Variants in CADM1 observed in about 807,000 individuals in gnomAD.
CADM1 encodes the protein cell adhesion molecule 1, also known as TSLC-1.
Under a neutral mutation model 53.1 loss-of-function variants are expected in CADM1, and 15 were observed. The observed-to-expected ratio is 0.28, with a 90% CI of 0.19 to 0.44. CADM1 has a LOEUF of 0.44. CADM1 is among the 20% of genes least tolerant of loss of function. CADM1 has a pLI of 1.00. For synonymous variants in CADM1, 281 were observed against 243.0 expected (o/e 1.16, Z -1.45); for missense variants, 434 against 611.3 (o/e 0.71, Z 3.06).
chr11:115,278,138 T>C (rs943631314), intron 1 of CADM1, among the ~76,000 whole-genome samples: 1 of 152,154 alleles, frequency 6.6e-6, no homozygotes, highest in East Asian at 1.9e-4. Context: ...ATAGAAGTGA[T>C]CATTTCTGCC....
rs186508284 is a variant in CADM1 at position 115,262,893 on chromosome 11, C to T, written c.125-22473G>A. 5.7e-4 allele frequency among the ~76,000 whole-genome samples: 87 copies of T among 152,160 alleles called. 1 individual carries two copies. Among genetic ancestry groups the T allele is most frequent in the Non-Finnish European group, 6.5e-4 (44 of 68,022 alleles). On this transcript the variant is annotated intron_variant, in intron 1 of 11. Coordinates refer to ENST00000331581, the MANE Select transcript of CADM1 (RefSeq NM_001301043.2). ...AAGTTATCATAAAGCCTTCTTCATC[C>T]ACCTTCTCCTAATGTTAACATCTTA... is the stretch of plus-strand genomic sequence containing the variant.
At chr11:115,267,867 G>A (rs1243790766) in intron 1 of CADM1, among the ~76,000 whole-genome samples, 1 of 151,662 alleles carries the variant, frequency 6.6e-6, no homozygotes, top group Non-Finnish European at 1.5e-5. Flanking sequence ...CCCCTTGGAG[G>A]TCAGAATGAT....
chr11:115,494,774 T>C (rs892376919), intron 1 of CADM1, among the ~76,000 whole-genome samples: 12 of 152,100 alleles, frequency 7.9e-5, no homozygotes, highest in Admixed American at 7.9e-4. Context: ...TAAATAGAGA[T>C]AGGTAAATAG....
intron 8 of CADM1, among the ~76,000 whole-genome samples, chr11:115,202,892 C>T (rs776005079): frequency 1.1e-4 from 17 of 149,498 alleles, no homozygotes; most frequent in Non-Finnish European, 2.2e-4. Flanking sequence ...TGAACTCGAT[C>T]GAAAACAAAA....
intron 1 of CADM1, among the ~76,000 whole-genome samples, chr11:115,426,560 TA>T (rs1438090675): frequency 6.6e-6 from 1 of 152,178 alleles, no homozygotes; most frequent in African/African-American, 2.4e-5. Context: ...GATCCTCTTG[TA>T]GGTGTACTTA....
chr11:115,370,847 A>G (rs1191271475), intron 1 of CADM1, among the ~76,000 whole-genome samples: 1 of 152,218 alleles, frequency 6.6e-6, no homozygotes, highest in Non-Finnish European at 1.5e-5. Flanking sequence ...ATGTTACTGC[A>G]ACTCAGCTAT....
chr11:115,336,863 C>A (rs1420473194), intron 1 of CADM1, among the ~76,000 whole-genome samples: 1 of 152,124 alleles, frequency 6.6e-6, no homozygotes, highest in Non-Finnish European at 1.5e-5. Context: ...CTTATTCTGT[C>A]TGGTTGAAAC....
intron 1 of CADM1, among the ~76,000 whole-genome samples, chr11:115,415,708 C>T (rs1947577638): frequency 6.6e-6 from 1 of 150,468 alleles, no homozygotes; most frequent in Admixed American, 6.7e-5. Context: ...TGGTGATGTG[C>T]ACCTGTAGTT....
chr11:115,362,519 A>G (rs1026293554), intron 1 of CADM1, among the ~76,000 whole-genome samples: 4 of 152,244 alleles, frequency 2.6e-5, no homozygotes, highest in Admixed American at 2.0e-4. Context: ...TAATTAACAG[A>G]TAAGTTTGCA....
At chr11:115,448,719 A>G (rs1322255013) in intron 1 of CADM1, among the ~76,000 whole-genome samples, 2 of 152,168 alleles carry the variant, frequency 1.3e-5, no homozygotes, top group African/African-American at 2.4e-5. Flanking sequence ...GAATGGGGTT[A>G]CTAGCAATAT....
chr11:115,383,046 T>A (rs118110166), intron 1 of CADM1, among the ~76,000 whole-genome samples: 3 of 152,338 alleles, frequency 2.0e-5, no homozygotes, highest in East Asian at 3.9e-4. Context: ...AAAACAAAAG[T>A]CTTATTATCA....
chr11:115,386,782 T>G (rs1946709560), intron 1 of CADM1, among the ~76,000 whole-genome samples: 1 of 152,218 alleles, frequency 6.6e-6, no homozygotes, highest in African/African-American at 2.4e-5. Context: ...GGAATTAAGT[T>G]TCAACATGAG....
chr11:115,256,226 A>G (rs1365735820), intron 1 of CADM1, among the ~76,000 whole-genome samples: 2 of 152,254 alleles, frequency 1.3e-5, no homozygotes, highest in Admixed American at 1.3e-4. Context: ...ACCCATTACA[A>G]CAGGCCTTTT....
intron 1 of CADM1, among the ~76,000 whole-genome samples, chr11:115,303,388 G>A (rs886361052): frequency 1.6e-4 from 24 of 151,992 alleles, no homozygotes; most frequent in African/African-American, 5.8e-4. Flanking sequence ...ACGCTCCCCG[G>A]TGGGCAAGCA....
intron 1 of CADM1, among the ~76,000 whole-genome samples, chr11:115,494,426 TATATAAA>T (rs1241441920): frequency 6.6e-6 from 1 of 152,152 alleles, no homozygotes; most frequent in Non-Finnish European, 1.5e-5. Flanking sequence ...TTAAACATAG[TATATAAA>T]ATATAAAAAA....
chr11:115,383,034 T>G (rs1208714348), intron 1 of CADM1, among the ~76,000 whole-genome samples: 1 of 152,236 alleles, frequency 6.6e-6, no homozygotes, highest in Non-Finnish European at 1.5e-5. Flanking sequence ...CTGACATATC[T>G]TAAAACAAAA....
At chr11:115,419,721 C>G (rs1383536420) in intron 1 of CADM1, among the ~76,000 whole-genome samples, 1 of 152,114 alleles carries the variant, frequency 6.6e-6, no homozygotes, top group African/African-American at 2.4e-5. Flanking sequence ...ATTAGTTAAA[C>G]TGGGTGAACA....
chr11:115,338,708 T>C (rs996415818), intron 1 of CADM1, among the ~76,000 whole-genome samples: 6 of 151,986 alleles, frequency 3.9e-5, no homozygotes, highest in African/African-American at 1.4e-4. Context: ...TCCTTCAGTA[T>C]TGGGCAATTA....
chr11:115,287,842 G>A (rs957244951), intron 1 of CADM1, among the ~76,000 whole-genome samples: 6 of 152,164 alleles, frequency 3.9e-5, no homozygotes, highest in Admixed American at 3.3e-4. Flanking sequence ...GACTCTTCTA[G>A]GTGTTGGGCA....
Sources: allele counts gnomAD v4.1 joint callset (sites outside exome capture counted in the v4.1 genomes callset), GRCh38; gene constraint gnomAD v4.1.1; transcripts MANE v1.5; gene names NCBI Gene and HGNC (gene_info 2026-07-23, HGNC 2026-07-21).